CDH13: variants seen among roughly 807,000 people sequenced by gnomAD.
CDH13 encodes the protein cadherin 13, also known as cadherin-13.
CDH13 carries 24 observed loss-of-function variants against 63.8 expected under a neutral mutation model. The observed-to-expected ratio is 0.38, with a 90% CI of 0.27 to 0.53. The LOEUF is 0.53. Among genes scored for constraint, CDH13 ranks in the 20% least tolerant of loss-of-function variants. CDH13 has a pLI of 0.85. For missense variants in CDH13, 1,049 were observed against 903.1 expected (o/e 1.16, Z -2.07); for synonymous variants, 503 against 355.3 (o/e 1.42, Z -4.67).
At chr16:83,526,690 A>T (rs1225996810) in intron 7 of CDH13, among the ~76,000 whole-genome samples, 1 of 152,144 alleles carries the variant, frequency 6.6e-6, no homozygotes, top group African/African-American at 2.4e-5. Context: ...ATTTGCTGCC[A>T]CTGTTTAAAC....
chr16:82,739,097 A>G (rs2033816082), intron 1 of CDH13, among the ~76,000 whole-genome samples: 1 of 152,214 alleles, frequency 6.6e-6, no homozygotes, highest in African/African-American at 2.4e-5. Flanking sequence ...TATGATTGAG[A>G]TCTCATAGTC....
chr16:83,069,898 C>T (rs1783065970), intron 3 of CDH13, among the ~76,000 whole-genome samples: 1 of 152,144 alleles, frequency 6.6e-6, no homozygotes, highest in Admixed American at 6.5e-5. Flanking sequence ...CTTGCTCTCT[C>T]TAGAAATGCA....
intron 1 of CDH13, among the ~76,000 whole-genome samples, chr16:82,843,611 T>C (rs2039125227): frequency 6.6e-6 from 1 of 152,182 alleles, no homozygotes; most frequent in African/African-American, 2.4e-5. Context: ...TTTAGTTCAA[T>C]AGAAGAATTT....
At chr16:83,091,441 A>G (rs1046924954) in intron 3 of CDH13, among the ~76,000 whole-genome samples, 1 of 152,328 alleles carries the variant, frequency 6.6e-6, no homozygotes, top group South Asian at 2.1e-4. Context: ...ATCACAAAGG[A>G]TGACTCCCTA....
chr16:82,774,321 CAT>C (rs1491264677), intron 1 of CDH13, among the ~76,000 whole-genome samples: 3 of 36,968 alleles, frequency 8.1e-5, no homozygotes, highest in Non-Finnish European at 3.1e-4. Flanking sequence ...GACTTCAGTT[CAT>C]TTTTTTTTTT....
chr16:82,828,490 A>T (rs1422289970), intron 1 of CDH13, among the ~76,000 whole-genome samples: 3 of 152,012 alleles, frequency 2.0e-5, no homozygotes, highest in Non-Finnish European at 4.4e-5. Context: ...GTTGGCGGGC[A>T]CCTGTAATCC....
chr16:83,091,449 C>G (rs762394729), intron 3 of CDH13, among the ~76,000 whole-genome samples: 1 of 152,174 alleles, frequency 6.6e-6, no homozygotes, highest in Non-Finnish European at 1.5e-5. Context: ...GGATGACTCC[C>G]TAAATACATT....
chr16:83,763,874 G>A (rs1446591308), intron 11 of CDH13, among the ~76,000 whole-genome samples: 1 of 152,120 alleles, frequency 6.6e-6, no homozygotes, highest in Non-Finnish European at 1.5e-5. Context: ...AGCCATTGGA[G>A]GGGCAGCACA....
intron 1 of CDH13, among the ~76,000 whole-genome samples, chr16:82,794,313 C>T (rs773981534): frequency 2.1e-5 from 3 of 143,938 alleles, no homozygotes; most frequent in African/African-American, 7.3e-5. Flanking sequence ...TCTCTACAAA[C>T]TCGCCAGCTC....
chr16:83,621,536 G>C (rs1402115331), intron 8 of CDH13, among the ~76,000 whole-genome samples: 1 of 124,680 alleles, frequency 8.0e-6, no homozygotes, highest in Non-Finnish European at 1.6e-5. Context: ...ACCCAGGCTG[G>C]AGTGCAGTGG....
chr16:83,313,751 A>G (rs1373066870), intron 5 of CDH13, among the ~76,000 whole-genome samples: 1 of 151,640 alleles, frequency 6.6e-6, no homozygotes, highest in Non-Finnish European at 1.5e-5. Flanking sequence ...CTTTTTTCCC[A>G]TTATTTTAGT....
intron 5 of CDH13, among the ~76,000 whole-genome samples, chr16:83,270,846 T>A (rs976283276): frequency 6.6e-6 from 1 of 152,046 alleles, no homozygotes; most frequent in African/African-American, 2.4e-5. Context: ...CTCTTCTCTT[T>A]TCTCCTTCCT....
At chr16:83,603,070 C>T (rs1279865140) in intron 8 of CDH13, among the ~76,000 whole-genome samples, 9 of 152,150 alleles carry the variant, frequency 5.9e-5, no homozygotes, top group Admixed American at 5.9e-4. Context: ...CCAGGAGAGC[C>T]ATTATTCATT....
rs183212780 is a variant in CDH13, at chr16:83,179,969, C to T, written c.484-37376C>T. On this transcript the variant is annotated intron_variant, in intron 4 of 13. Transcript: ENST00000567109. The stretch of plus-strand genomic sequence containing the variant: ...GCTTACTTTCAATGACTGCTTTGAG[C>T]GTCTAATTTTAATCCATATATTTTC... Among the ~76,000 whole-genome samples, 46 of 151,596 alleles carry T rather than the reference C, an allele frequency of 3.0e-4. 1 individual carries two copies. Among genetic ancestry groups the T allele is most frequent in the Admixed American group, 1.6e-3 (24 of 15,234 alleles).
intron 7 of CDH13, among the ~76,000 whole-genome samples, chr16:83,572,176 G>T (rs28402745): frequency 9.1e-3 from 11 of 1,214 alleles, no homozygotes; most frequent in African/African-American, 0.015. Context: ...CTTTCCTGTG[G>T]TGTGTGTGTG....
chr16:83,097,595 C>G (rs1295195394), intron 3 of CDH13, among the ~76,000 whole-genome samples: 1 of 152,192 alleles, frequency 6.6e-6, no homozygotes, highest in African/African-American at 2.4e-5. Flanking sequence ...TCCTTCCTAA[C>G]TTTCACAGCT....
intron 3 of CDH13, among the ~76,000 whole-genome samples, chr16:83,123,550 A>T (rs902251103): frequency 2.0e-5 from 3 of 152,144 alleles, no homozygotes; most frequent in African/African-American, 7.2e-5. Context: ...AAGGGCTGGG[A>T]TTACAGGCGT....
chr16:83,510,074 G>T (rs1228551712), intron 7 of CDH13, among the ~76,000 whole-genome samples: 1 of 152,192 alleles, frequency 6.6e-6, no homozygotes, highest in Non-Finnish European at 1.5e-5. Flanking sequence ...CCTTGACTCA[G>T]CCCAGTAGCC....
intron 10 of CDH13, among the ~76,000 whole-genome samples, chr16:83,696,489 C>T (rs1905426682): frequency 6.6e-6 from 1 of 152,108 alleles, no homozygotes; most frequent in Non-Finnish European, 1.5e-5. Context: ...ACTGGATCCA[C>T]CTGGAACTCC....
Sources: gnomAD v4.1 joint callset for allele counts (sites outside exome capture counted in the v4.1 genomes callset) on GRCh38, gnomAD v4.1.1 for gene constraint, MANE v1.5 for transcripts, NCBI Gene and HGNC (gene_info 2026-07-23, HGNC 2026-07-21) for gene names.